SUGCT: variants seen among roughly 807,000 people sequenced by gnomAD.
The protein encoded by SUGCT is succinyl-CoA:glutarate-CoA transferase.
Under a neutral mutation model 55.0 loss-of-function variants are expected in SUGCT, and 41 were observed. The ratio of observed to expected loss-of-function variants is 0.74; its 90% CI spans 0.58 to 0.97. The LOEUF is 0.97. Among genes scored for constraint, SUGCT ranks in the 50% least tolerant of loss-of-function variants. SUGCT has a pLI of 0.00. For missense variants in SUGCT, 568 were observed against 547.8 expected, an observed-to-expected ratio of 1.04 and a Z score of -0.37; for synonymous variants, 187 against 200.4, an observed-to-expected ratio of 0.93 and a Z score of 0.56.
chr7:40,491,330 C>G (rs553694057), intron 11 of SUGCT, among the ~76,000 whole-genome samples: 3 of 151,838 alleles, frequency 2.0e-5, no homozygotes, highest in Non-Finnish European at 4.4e-5. Context: ...AGTTACAGTG[C>G]GAATGGAGGA....
chr7:40,493,674 G>T (rs1398027476), intron 11 of SUGCT, among the ~76,000 whole-genome samples: 3 of 152,214 alleles, frequency 2.0e-5, no homozygotes, highest in Non-Finnish European at 2.9e-5. Context: ...GAAGGCCCTA[G>T]GTTCACTTGC....
intron 9 of SUGCT, among the ~76,000 whole-genome samples, chr7:40,364,135 A>T (rs1348964064): frequency 3.3e-5 from 5 of 150,836 alleles, no homozygotes; most frequent in Non-Finnish European, 5.9e-5. Flanking sequence ...TAGGATTGAA[A>T]CCCCTGCCTT....
rs149033527 is a variant in SUGCT, at chr7:40,697,974, T to C, written c.1090-51460T>C. Among the ~76,000 whole-genome samples the C allele has an allele frequency of 2.5e-3, 385 of 152,332 alleles. 2 individuals are homozygous for C. Among genetic ancestry groups the C allele is most frequent in the African/African-American group, 8.5e-3 (355 of 41,584 alleles). ...TGTGATACATGCTGTGCTTGATATGTGCTCAAGATTTTTCGAAAACAGAGA... is the reference window on the plus strand; with the variant it reads ...TGTGATACATGCTGTGCTTGATATGCGCTCAAGATTTTTCGAAAACAGAGA... On this transcript the variant is annotated intron_variant, in intron 12 of 13. Coordinates refer to ENST00000335693, the MANE Select transcript of SUGCT (RefSeq NM_001193313.2).
chr7:40,188,920 T>A (rs1785711044), intron 4 of SUGCT, among the ~76,000 whole-genome samples: 1 of 152,206 alleles, frequency 6.6e-6, no homozygotes, highest in South Asian at 2.1e-4. Context: ...TCTCCTATCA[T>A]CCTTGTTAGC....
At chr7:40,269,710 T>A (rs1039123893) in intron 7 of SUGCT, among the ~76,000 whole-genome samples, 3 of 152,236 alleles carry the variant, frequency 2.0e-5, no homozygotes. Context: ...CTCTGATGGC[T>A]AATGATATTA....
At chr7:40,215,162 A>C (rs535911839) in intron 6 of SUGCT, among the ~76,000 whole-genome samples, 160 of 151,900 alleles carry the variant, frequency 1.1e-3, no homozygotes, top group Non-Finnish European at 1.5e-3. Flanking sequence ...TGTTTGTTTG[A>C]GACAAAGTCT....
intron 9 of SUGCT, among the ~76,000 whole-genome samples, chr7:40,434,561 C>T (rs1788070204): frequency 6.6e-6 from 1 of 152,092 alleles, no homozygotes; most frequent in Non-Finnish European, 1.5e-5. Flanking sequence ...ATTAGTTTCC[C>T]AAGAAAAGAA....
intron 12 of SUGCT, among the ~76,000 whole-genome samples, chr7:40,497,910 CT>C (rs1461580645): frequency 6.6e-6 from 1 of 151,796 alleles, no homozygotes; most frequent in Non-Finnish European, 1.5e-5. Flanking sequence ...ATTTTTTAGG[CT>C]TTGATAAACA....
chr7:40,662,346 C>T (rs1370957109), intron 12 of SUGCT, among the ~76,000 whole-genome samples: 1 of 152,190 alleles, frequency 6.6e-6, no homozygotes, highest in Admixed American at 6.5e-5. Context: ...CTCCTATAGC[C>T]CATCCTCCCC....
chr7:40,375,120 C>T (rs1222633000), intron 9 of SUGCT, among the ~76,000 whole-genome samples: 4 of 152,130 alleles, frequency 2.6e-5, no homozygotes, highest in Non-Finnish European at 4.4e-5. Flanking sequence ...CACAAAGCTA[C>T]GTGTTCTGAG....
the SUGCT span, among the ~76,000 whole-genome samples, chr7:41,029,678 C>T: frequency 1.3e-5 from 2 of 152,224 alleles, no homozygotes; most frequent in African/African-American, 4.8e-5. Flanking sequence ...TCCCCGTCCT[C>T]TCCCCAGTTT....
At chr7:40,777,728 T>A (rs1035760997) in intron 13 of SUGCT, among the ~76,000 whole-genome samples, 2 of 152,048 alleles carry the variant, frequency 1.3e-5, no homozygotes, top group African/African-American at 2.4e-5. Context: ...GGGGCCTTTT[T>A]TTTCTTCTCA....
the SUGCT span, among the ~76,000 whole-genome samples, chr7:40,938,189 T>A: frequency 1.3e-4 from 20 of 152,244 alleles, no homozygotes; most frequent in Non-Finnish European, 2.9e-4. Context: ...TTTTTTTCTT[T>A]AAATCTTTGC....
chr7:40,300,210 A>G (rs1352861649), intron 8 of SUGCT, among the ~76,000 whole-genome samples: 1 of 152,198 alleles, frequency 6.6e-6, no homozygotes, highest in Non-Finnish European at 1.5e-5. Context: ...CTGAAGTCAT[A>G]CAGACAAGGC....
chr7:40,971,590 G>T, the SUGCT span, among the ~76,000 whole-genome samples: 1 of 152,158 alleles, frequency 6.6e-6, no homozygotes, highest in Admixed American at 6.5e-5. Context: ...TGTGGCACTG[G>T]ATAACACACA....
At chr7:40,908,776 G>T in the SUGCT span, among the ~76,000 whole-genome samples, 2 of 152,318 alleles carry the variant, frequency 1.3e-5, no homozygotes, top group East Asian at 1.9e-4. Context: ...TTAATACCAT[G>T]TGGCTATTAA....
At chr7:40,877,553 C>T in the SUGCT span, among the ~76,000 whole-genome samples, 2 of 152,210 alleles carry the variant, frequency 1.3e-5, no homozygotes, top group African/African-American at 4.8e-5. Flanking sequence ...ACACAGCTCT[C>T]ATCTGAAAAC....
intron 13 of SUGCT, among the ~76,000 whole-genome samples, chr7:40,760,135 C>T (rs1195643564): frequency 3.9e-5 from 6 of 152,142 alleles, no homozygotes; most frequent in Non-Finnish European, 1.5e-5. Context: ...GAATTTTTGT[C>T]TTTCCAGTGA....
chr7:40,905,712 TTTTC>T, the SUGCT span, among the ~76,000 whole-genome samples: 2 of 151,952 alleles, frequency 1.3e-5, no homozygotes, highest in Non-Finnish European at 2.9e-5. Context: ...TAAATTTTTT[TTTTC>T]TTTTTTTTTT....
Sources: gnomAD v4.1 joint callset for allele counts (sites outside exome capture counted in the v4.1 genomes callset) on GRCh38, gnomAD v4.1.1 for gene constraint, MANE v1.5 for transcripts, NCBI Gene and HGNC (gene_info 2026-07-23, HGNC 2026-07-21) for gene names.